Variants in CACNA2D1 observed in about 807,000 individuals in gnomAD.
CACNA2D1 encodes the protein voltage-dependent calcium channel subunit alpha-2/delta-1.
In CACNA2D1, 53 loss-of-function variants were observed where a neutral mutation model predicts 171.5. The observed-to-expected ratio is 0.31, with a 90% CI of 0.25 to 0.39. The LOEUF (loss-of-function observed/expected upper bound fraction) is 0.39. Among genes scored for constraint, CACNA2D1 ranks in the 10% least tolerant of loss-of-function variants. The pLI, the probability that CACNA2D1 is intolerant of heterozygous loss-of-function variation, is 1.00. For synonymous variants in CACNA2D1, 442 were observed against 443.1 expected (o/e 1.00, Z 0.03); for missense variants, 903 against 1,299.8 (o/e 0.69, Z 4.69).
At chr7:81,996,586 A>T (rs1798070058) in intron 19 of CACNA2D1, among the ~76,000 whole-genome samples, 1 of 151,758 alleles carries the variant, frequency 6.6e-6, no homozygotes, top group African/African-American at 2.4e-5. Context: ...TATAATTTGA[A>T]ATAAAAATAC....
intron 7 of CACNA2D1, among the ~76,000 whole-genome samples, chr7:82,074,794 C>T (rs1283528122): frequency 6.6e-6 from 1 of 151,878 alleles, no homozygotes; most frequent in Non-Finnish European, 1.5e-5. Context: ...CAGTGAGTCT[C>T]GGTATTTAGG....
intron 1 of CACNA2D1, among the ~76,000 whole-genome samples, chr7:82,408,022 C>CT (rs552179208): frequency 0.05 from 6,836 of 136,586 alleles, 212 homozygotes; most frequent in East Asian, 0.12. Context: ...CTTGTACTTT[C>CT]TTTTTTTTTT....
intron 10 of CACNA2D1, among the ~76,000 whole-genome samples, chr7:82,040,482 C>A (rs1562909690): frequency 3.1e-5 from 4 of 129,718 alleles, no homozygotes; most frequent in East Asian, 2.5e-4. Flanking sequence ...CAGAAGGCTT[C>A]AGGAAAAAAA....
intron 38 of CACNA2D1, among the ~76,000 whole-genome samples, chr7:81,958,203 C>G (rs113499880): frequency 2.3e-3 from 349 of 151,992 alleles, no homozygotes; most frequent in Middle Eastern, 0.01. Context: ...ATACATCTTT[C>G]ATTTTTAGTC....
intron 3 of CACNA2D1, among the ~76,000 whole-genome samples, chr7:82,305,633 C>A (rs1813629885): frequency 6.6e-6 from 1 of 152,168 alleles, no homozygotes; most frequent in Non-Finnish European, 1.5e-5. Context: ...TTTTATAACA[C>A]AAGATGGTAT....
chr7:82,380,721 G>A (rs1823599853), intron 1 of CACNA2D1, among the ~76,000 whole-genome samples: 1 of 151,984 alleles, frequency 6.6e-6, no homozygotes, highest in African/African-American at 2.4e-5. Flanking sequence ...TTGAGACAGA[G>A]TCTTGCTCTG....
At chr7:82,406,338 T>C (rs1348716458) in intron 1 of CACNA2D1, among the ~76,000 whole-genome samples, 2 of 152,234 alleles carry the variant, frequency 1.3e-5, no homozygotes, top group Non-Finnish European at 2.9e-5. Flanking sequence ...TTGTGAATAG[T>C]GCCACAATAA....
intron 1 of CACNA2D1, among the ~76,000 whole-genome samples, chr7:82,427,282 G>C (rs1357357204): frequency 6.6e-6 from 1 of 152,076 alleles, no homozygotes. Context: ...TAAAACAGTG[G>C]GAAAATAAAC....
At chr7:82,142,215 A>G (rs1017267415) in intron 4 of CACNA2D1, among the ~76,000 whole-genome samples, 2 of 152,204 alleles carry the variant, frequency 1.3e-5, no homozygotes, top group East Asian at 1.9e-4. Context: ...ATTTTTAACC[A>G]TGCAGTTTAG....
intron 3 of CACNA2D1, among the ~76,000 whole-genome samples, chr7:82,315,469 CA>C (rs1815002180): frequency 1.3e-5 from 2 of 151,952 alleles, no homozygotes; most frequent in South Asian, 4.1e-4. Flanking sequence ...TTTCAGTCAT[CA>C]AAGTAAACAT....
chr7:82,256,137 C>T (rs781528528), intron 3 of CACNA2D1, among the ~76,000 whole-genome samples: 12 of 151,914 alleles, frequency 7.9e-5, no homozygotes, highest in Non-Finnish European at 4.4e-5. Flanking sequence ...AATAGCCAGG[C>T]GTGGAGGTGG....
intron 3 of CACNA2D1, among the ~76,000 whole-genome samples, chr7:82,174,263 A>G (rs1022891280): frequency 6.6e-6 from 1 of 151,982 alleles, no homozygotes; most frequent in Non-Finnish European, 1.5e-5. Context: ...CCACACAGAA[A>G]TAAAAAACCT....
chr7:82,068,258 C>T (rs1357865314), intron 7 of CACNA2D1, among the ~76,000 whole-genome samples: 2 of 152,084 alleles, frequency 1.3e-5, no homozygotes, highest in Non-Finnish European at 2.9e-5. Context: ...AGCCCCGCCC[C>T]CTGCCCCAGA....
intron 3 of CACNA2D1, among the ~76,000 whole-genome samples, chr7:82,299,515 G>A (rs1383690901): frequency 6.6e-6 from 1 of 151,988 alleles, no homozygotes; most frequent in Non-Finnish European, 1.5e-5. Context: ...ACAAAAATTA[G>A]CCAGGCGTGG....
At chr7:82,114,760 G>GAAAAAAAAAAAAAAA (rs34240770) in intron 6 of CACNA2D1, among the ~76,000 whole-genome samples, 5 of 103,094 alleles carry the variant, frequency 4.8e-5, no homozygotes, top group Non-Finnish European at 6.2e-5. Flanking sequence ...CGTCCCAGAA[G>GAAAAAAAAAAAAAAA]AAAAAAAAAA....
intron 7 of CACNA2D1, among the ~76,000 whole-genome samples, chr7:82,077,636 T>C (rs1252274292): frequency 1.3e-5 from 2 of 152,078 alleles, no homozygotes; most frequent in Non-Finnish European, 2.9e-5. Context: ...TCCTAACTAA[T>C]ACACTGGACT....
intron 1 of CACNA2D1, among the ~76,000 whole-genome samples, chr7:82,360,168 T>C (rs1446972109): frequency 6.6e-6 from 1 of 152,192 alleles, no homozygotes; most frequent in African/African-American, 2.4e-5. Flanking sequence ...TCAACTCTCC[T>C]CTCATCAGAA....
At chr7:82,257,395 T>A (rs1330642935) in intron 3 of CACNA2D1, among the ~76,000 whole-genome samples, 1 of 152,228 alleles carries the variant, frequency 6.6e-6, no homozygotes, top group African/African-American at 2.4e-5. Flanking sequence ...GTGCCAATCA[T>A]CTATTTTCAG....
chr7:81,994,494 A>G (rs2130773138), intron 20 of CACNA2D1, among the ~76,000 whole-genome samples: 1 of 152,256 alleles, frequency 6.6e-6, no homozygotes, highest in Non-Finnish European at 1.5e-5. Context: ...TGTAAAACAT[A>G]TAGCTATTAA....
Sources: gnomAD v4.1 joint callset for allele counts (sites outside exome capture counted in the v4.1 genomes callset) on GRCh38, gnomAD v4.1.1 for gene constraint, MANE v1.5 for transcripts, NCBI Gene and HGNC (gene_info 2026-07-23, HGNC 2026-07-21) for gene names.